Variants in UTP6 observed in about 807,000 individuals in gnomAD.
The protein encoded by UTP6 is U3 small nucleolar RNA-associated protein 6 homolog.
Under a neutral mutation model 96.5 loss-of-function variants are expected in UTP6, and 60 were observed. The ratio of observed to expected loss-of-function variants is 0.62; its 90% confidence interval spans 0.51 to 0.77. The LOEUF is 0.77. Ranked by LOEUF, UTP6 falls within the 30% of genes least tolerant of loss-of-function variation. The probability of loss-of-function intolerance (pLI) is 0.00; values close to 1 mark genes in which losing one functional copy is unlikely to be tolerated. For missense variants in UTP6, 637 were observed against 706.5 expected (o/e 0.90, Z 1.12); for synonymous variants, 215 against 240.1 (o/e 0.90, Z 0.96).
At chr17:31,893,601 G>A (rs558385339) in intron 4 of UTP6, among the ~76,000 whole-genome samples, 4 of 151,540 alleles carry the variant, frequency 2.6e-5, no homozygotes, top group Admixed American at 6.6e-5. Context: ...GCGGTGGTGC[G>A]TGCCTGAAGT....
At chr17:31,886,650 A>G (rs1284471765) in intron 8 of UTP6, 1 of 152,438 alleles carries the variant, frequency 6.6e-6, no homozygotes, top group Non-Finnish European at 1.5e-5. Flanking sequence ...GGCGACAAGG[A>G]GCAACACTCC....
At chr17:31,867,543 T>G in intron 17 of UTP6, among the ~76,000 whole-genome samples, 1 of 151,816 alleles carries the variant, frequency 6.6e-6, no homozygotes, top group African/African-American at 2.4e-5. Flanking sequence ...AAGTTTTCTA[T>G]TCCCCAAACA....
chr17:31,875,629 C>G (rs1427064379), intron 13 of UTP6, among the ~76,000 whole-genome samples: 5 of 151,980 alleles, frequency 3.3e-5, no homozygotes, highest in Admixed American at 6.6e-5. Flanking sequence ...TCAAGACCAT[C>G]CCGGCCAACA....
chr17:31,900,417 G>A (rs556472989), intron 1 of UTP6, among the ~76,000 whole-genome samples: 2 of 151,856 alleles, frequency 1.3e-5, no homozygotes, highest in East Asian at 2.0e-4. Flanking sequence ...TCAGACTCCC[G>A]AGTAGCTGGG....
At chr17:31,864,219 G>C (rs960088396) in intron 18 of UTP6, among the ~76,000 whole-genome samples, 1 of 151,992 alleles carries the variant, frequency 6.6e-6, no homozygotes, top group Non-Finnish European at 1.5e-5. Context: ...ACTCCATCTC[G>C]ACTGAAAATA....
intron 4 of UTP6, among the ~76,000 whole-genome samples, chr17:31,893,053 T>C (rs1044208770): frequency 6.6e-6 from 1 of 152,020 alleles, no homozygotes; most frequent in African/African-American, 2.4e-5. Context: ...GATTGATCAC[T>C]TGAGGTCAGG....
intron 17 of UTP6, 132 bp downstream of exon 17, chr17:31,867,914 G>A (rs530990491): frequency 9.0e-5 from 64 of 713,840 alleles, no homozygotes; most frequent in Non-Finnish European, 1.3e-4. Flanking sequence ...CCAAGATCAC[G>A]CCACTGCACT....
rs536034624 is a variant in UTP6, at chr17:31,886,039, T to C, written c.644A>G (p.Glu215Gly). 6.2e-7 allele frequency: 1 copy of C among 1,613,818 alleles called. No individual in the cohort carries two copies. Among genetic ancestry groups the C allele is most frequent in the South Asian group, 1.1e-5 (1 of 90,970 alleles). ...CCATGCCAACTCGCCCTTAAGGATTTCTTCAGAATAATCAGGATTCTCCTA... is the reference window on the plus strand; with the variant it reads ...CCATGCCAACTCGCCCTTAAGGATTCCTTCAGAATAATCAGGATTCTCCTA... ...MDVENPDYSEEILKGELAWII... is the reference protein window; with the variant it reads ...MDVENPDYSEGILKGELAWII... The change falls in exon 9 of 19, where the codon GAA becomes GGA. Residue 215 changes from glutamate to glycine, a missense_variant. Transcript: ENST00000261708.
chr17:31,873,834 T>C, intron 14 of UTP6, 81 bp from the exon 15 acceptor site: 1 of 1,442,240 alleles, frequency 6.9e-7, no homozygotes, highest in Non-Finnish European at 9.4e-7. Context: ...TGTAAAATAT[T>C]ATGTATCAAT....
intron 7 of UTP6, among the ~76,000 whole-genome samples, chr17:31,888,943 G>A (rs1213936945): frequency 6.6e-6 from 1 of 151,850 alleles, no homozygotes; most frequent in Non-Finnish European, 1.5e-5. Flanking sequence ...ATGGTGGCAG[G>A]CACCTGTAGT....
intron 5 of UTP6, 69 bp downstream of exon 5, chr17:31,892,678 C>T: frequency 6.3e-7 from 1 of 1,594,760 alleles, no homozygotes; most frequent in Non-Finnish European, 8.6e-7. Flanking sequence ...AAACATCTGG[C>T]ATGAAGCTTA....
At chr17:31,893,130 G>A (rs544641715) in intron 4 of UTP6, among the ~76,000 whole-genome samples, 20 of 152,136 alleles carry the variant, frequency 1.3e-4, no homozygotes, top group Middle Eastern at 3.4e-3. Flanking sequence ...AAAATTAGCC[G>A]GACTTGGTGG....
chr17:31,880,382 C>A, intron 11 of UTP6, 191 bp downstream of exon 11: 1 of 623,976 alleles, frequency 1.6e-6, no homozygotes, highest in Non-Finnish European at 2.6e-6. Flanking sequence ...AATCGAGCCA[C>A]TGAACTCCAG....
intron 17 of UTP6, 129 bp from the exon 18 acceptor site, chr17:31,865,567 G>A: frequency 2.4e-6 from 2 of 841,708 alleles, no homozygotes; most frequent in Admixed American, 2.6e-5. Flanking sequence ...AACACAACTT[G>A]GCTCTCAACT....
Position 31,901,525 on chromosome 17 carries a change from C to T in UTP6, c.92+11G>A, listed in dbSNP as rs779482857. 6.2e-7 allele frequency: 1 copy of T among 1,613,600 alleles called. No homozygotes were observed. The highest frequency in any genetic ancestry group is 1.3e-5 in the African/African-American group (1 of 74,920). On this transcript the variant is annotated intron_variant, in intron 1 of 18. Transcript: ENST00000261708. ...CGCCTCAGCTCTTCCCTCTCCCCAA[C>T]CCTCTCTCACTTAATCTCCGCATGA...
At chr17:31,901,399 C>T (rs1904971465) in intron 1 of UTP6, 137 bp downstream of exon 1, 1 of 774,762 alleles carries the variant, frequency 1.3e-6, no homozygotes, top group African/African-American at 1.7e-5. Flanking sequence ...TGGACATCAC[C>T]GAAAACGAGA....
intron 14 of UTP6, 31 bp downstream of exon 14, chr17:31,875,203 A>G: frequency 6.2e-7 from 1 of 1,610,734 alleles, no homozygotes; most frequent in Non-Finnish European, 8.5e-7. Context: ...TTTCCCAAAT[A>G]TAATGAATAC....
intron 2 of UTP6, among the ~76,000 whole-genome samples, chr17:31,897,160 C>G (rs565727258): frequency 1.4e-4 from 21 of 152,076 alleles, no homozygotes; most frequent in Admixed American, 3.3e-4. Flanking sequence ...CTGGCACAAG[C>G]CTGTAGTCCT....
intron 4 of UTP6, 128 bp from the exon 5 acceptor site, chr17:31,892,922 C>T: frequency 9.3e-7 from 1 of 1,072,128 alleles, no homozygotes; most frequent in Middle Eastern, 2.0e-4. Context: ...CCTGTAATCC[C>T]ACCACTTTGT....
Sources: gnomAD v4.1 joint callset for allele counts (sites outside exome capture counted in the v4.1 genomes callset) on GRCh38, gnomAD v4.1.1 for gene constraint, MANE v1.5 for transcripts, NCBI Gene and HGNC (gene_info 2026-07-23, HGNC 2026-07-21) for gene names.